The following RNF144B variants were observed in gnomAD, a reference collection of about 807,000 sequenced individuals.
RNF144B encodes E3 ubiquitin-protein ligase RNF144B.
Under a neutral mutation model 40.2 loss-of-function variants are expected in RNF144B, and 25 were observed. That is an observed-to-expected ratio of 0.62 (90% CI 0.45 to 0.87). The LOEUF (loss-of-function observed/expected upper bound fraction) is 0.87, where lower values mean the gene tolerates loss of function less well. Ranked by LOEUF, RNF144B falls within the 40% of genes least tolerant of loss-of-function variation. The pLI, the probability that RNF144B is intolerant of heterozygous loss-of-function variation, is 0.00. For missense variants in RNF144B, 365 were observed against 373.7 expected (o/e 0.98, Z 0.19); for synonymous variants, 145 against 136.3 (o/e 1.06, Z -0.44).
At position 18,446,547 on chromosome 6, in the gene RNF144B, T is replaced by C. The variant is rs1301464124; in HGVS notation, c.331+6803T>C. Among the ~76,000 whole-genome samples the C allele has an allele frequency of 1.3e-5, 2 of 152,332 alleles. No individual in the cohort carries two copies. Among genetic ancestry groups the C allele is most frequent in the East Asian group, 3.9e-4 (2 of 5,188 alleles). ...CTGAACAAAATAGAACTTGGCTACA[T>C]ATGCTACCATTATCTTTTTTACTAT... On this transcript the variant is annotated intron_variant, in intron 4 of 7. Transcript: ENST00000259939. This position sits in a 1 kb window ranked among gnomAD's most constrained non-coding sequence, Gnocchi z 4.7.
In RNF144B at chr6:18,413,991, G is replaced by A. The variant is rs967815704; in HGVS notation, c.166-13590G>A. Among the ~76,000 whole-genome samples the A allele has an allele frequency of 2.6e-5, 4 of 152,162 alleles. No homozygotes were observed. The East Asian group carries it at 5.8e-4, about 22-fold the overall frequency. ...ATGAAAAAAGCCCACTCAATATGAA[G>A]CCCCTTGACTTCTAAAAACTTGCTT... is the stretch of plus-strand genomic sequence containing the variant. On this transcript the variant is annotated intron_variant, in intron 2 of 7. Transcript: ENST00000259939.
At position 18,395,768 on chromosome 6, in the gene RNF144B, A is replaced by G. The variant is rs1015873316; in HGVS notation, c.-36-3731A>G. 3.3e-5 allele frequency among the ~76,000 whole-genome samples: 5 copies of G among 152,142 alleles called. No individual in the cohort carries two copies. ...TCAAGGGGACTGGCTCTGGACACCC[A>G]CTATTGGGTGCTGGCACTTGTCTAC... On this transcript the variant is annotated intron_variant, in intron 1 of 7. Transcript: ENST00000259939. The surrounding 1 kb of genome is among the most constrained non-coding windows in gnomAD (Gnocchi z 4.5).
rs1405235360 is a variant in RNF144B, at chr6:18,447,665, G to C, written c.331+7921G>C. On this transcript the variant is annotated intron_variant, in intron 4 of 7. Transcript: ENST00000259939. The surrounding 1 kb of genome is among the most constrained non-coding windows in gnomAD (Gnocchi z 5.6). ...TTGAAAATGCCCAGATTTGGAGTCT[G>C]TTTTCAAGGTGGAACTGTCAGGATT... is the stretch of plus-strand genomic sequence containing the variant. Among the ~76,000 whole-genome samples the C allele has an allele frequency of 6.6e-6, 1 of 152,148 alleles. No homozygotes were observed. The highest frequency in any genetic ancestry group is 2.4e-5 in the African/African-American group (1 of 41,424).
In RNF144B at chr6:18,459,039, G is replaced by C. The variant is rs966996653; in HGVS notation, c.537-568G>C. ...GTGAGTTGGATATCTCTGTGTGCTG[G>C]GTGGTGGTTTTGATGGGCAGTAGCT... On this transcript the variant is annotated intron_variant, in intron 5 of 7. Coordinates refer to ENST00000259939, the MANE Select transcript of RNF144B (RefSeq NM_182757.4). The surrounding 1 kb of genome is among the most constrained non-coding windows in gnomAD (Gnocchi z 4.2). Among the ~76,000 whole-genome samples, 7 of 152,198 alleles carry C rather than the reference G, an allele frequency of 4.6e-5. No homozygotes were observed. Among genetic ancestry groups the C allele is most frequent in the African/African-American group, 1.7e-4 (7 of 41,446 alleles).
rs1300896180 is a variant in RNF144B, at chr6:18,459,128, G to A, written c.537-479G>A. 6.6e-6 allele frequency among the ~76,000 whole-genome samples: 1 copy of A among 152,172 alleles called. No individual in the cohort carries two copies. The highest frequency in any genetic ancestry group is 6.5e-5 in the Admixed American group (1 of 15,274). On this transcript the variant is annotated intron_variant, in intron 5 of 7. Coordinates refer to ENST00000259939, the MANE Select transcript of RNF144B (RefSeq NM_182757.4). This position sits in a 1 kb window ranked among gnomAD's most constrained non-coding sequence, Gnocchi z 4.2. ...TTGCTTATTTTCTGTGCCCCTTGGG[G>A]CTGTGAGCCTGTATTGGTCTATTCG...
In RNF144B at chr6:18,405,150, T is replaced by TTATTATTATTA. The variant is rs1794873768; in HGVS notation, c.165+5452_165+5453insATTATTATTAT. On this transcript the variant is annotated intron_variant, in intron 2 of 7. Transcript: ENST00000259939. This position sits in a 1 kb window ranked among gnomAD's most constrained non-coding sequence, Gnocchi z 4.5. The stretch of plus-strand genomic sequence containing the variant: ...CTTGCTTGCAAGGTTAGTTTTTTTC[T>TTATTATTATTA]TTATTATTATTATTATTATTATTAT... Among the ~76,000 whole-genome samples, 1 of 146,232 alleles carries TTATTATTATTA rather than the reference T, an allele frequency of 6.8e-6. No homozygotes were observed. Among genetic ancestry groups the TTATTATTATTA allele is most frequent in the Non-Finnish European group, 1.5e-5 (1 of 66,782 alleles).
chr6:18,449,956 A>G (rs1759173627), intron 4 of RNF144B, among the ~76,000 whole-genome samples: 1 of 152,230 alleles, frequency 6.6e-6, no homozygotes, highest in South Asian at 2.1e-4. Flanking sequence ...GAGAAAGTAG[A>G]TGGAAAAACA....
chr6:18,427,765 A>T, intron 3 of RNF144B, 80 bp downstream of exon 3: 2 of 921,590 alleles, frequency 2.2e-6, no homozygotes, highest in Non-Finnish European at 3.4e-6. Context: ...GTATTTCCCT[A>T]CCAGGGAGTC....
At chr6:18,461,569 G>A (rs1759456260) in intron 6 of RNF144B, among the ~76,000 whole-genome samples, 1 of 152,188 alleles carries the variant, frequency 6.6e-6, no homozygotes, top group Non-Finnish European at 1.5e-5. Context: ...GGATGGTGTT[G>A]CAAAGGACAT....
chr6:18,432,811 ATCT>A (rs1202333256), intron 3 of RNF144B, among the ~76,000 whole-genome samples: 1 of 152,242 alleles, frequency 6.6e-6, no homozygotes, highest in Non-Finnish European at 1.5e-5. Flanking sequence ...TCACTCACTA[ATCT>A]TCTTTCTAAG....
rs199519851 is a variant in RNF144B, at chr6:18,459,688, C to T, written c.618C>T (p.Cys206=). 1.2e-4 allele frequency: 194 copies of T among 1,614,072 alleles called. No homozygotes were observed. In the East Asian group the frequency reaches 2.5e-3, roughly 21 times the overall value. Residue 206 remains cysteine, a synonymous_variant, in exon 6 of 8, where the codon TGC becomes TGT. Transcript: ENST00000259939. The surrounding 1 kb of genome is among the most constrained non-coding windows in gnomAD (Gnocchi z 4.2). ...TTTATATCGAACGCAATGAAGGCTG[C>T]GCTCAGATGATGTGCAAAAACTGCA... ...CRVYIERNEG[C]AQMMCKNCKH... is the part of the protein sequence containing the mutation.
At chr6:18,390,808 C>T (rs570862751) in intron 1 of RNF144B, among the ~76,000 whole-genome samples, 1 of 152,294 alleles carries the variant, frequency 6.6e-6, no homozygotes, top group East Asian at 1.9e-4. Flanking sequence ...CTAGTTGACT[C>T]TTAATAAGTA....
rs920556973 is a variant in RNF144B at position 18,406,587 on chromosome 6, A to G, written c.165+6888A>G. ...CCAGGAGAACCAGTGGTGTATTTCC[A>G]GTCCAAGTCTGAAGGCTTGAGAACT... On this transcript the variant is annotated intron_variant, in intron 2 of 7. Transcript: ENST00000259939. The surrounding 1 kb of genome is among the most constrained non-coding windows in gnomAD (Gnocchi z 4.2). Among the ~76,000 whole-genome samples the G allele has an allele frequency of 2.6e-5, 4 of 151,734 alleles. No homozygotes were observed. Among genetic ancestry groups the G allele is most frequent in the African/African-American group, 7.3e-5 (3 of 41,266 alleles).
chr6:18,439,663 C>T (rs765737234), intron 3 of RNF144B, 21 bp from the exon 4 acceptor site: 1 of 1,596,756 alleles, frequency 6.3e-7, no homozygotes, highest in Non-Finnish European at 8.6e-7. Flanking sequence ...AAGTCTCAAC[C>T]TTTTATGTCT....
intron 3 of RNF144B, among the ~76,000 whole-genome samples, chr6:18,437,859 G>A (rs1453441776): frequency 2.6e-5 from 4 of 152,028 alleles, no homozygotes; most frequent in Non-Finnish European, 5.9e-5. Context: ...TCCATAAACT[G>A]TATTTGACAT....
At chr6:18,452,821 G>T (rs1052979805) in intron 4 of RNF144B, among the ~76,000 whole-genome samples, 2 of 151,928 alleles carry the variant, frequency 1.3e-5, no homozygotes, top group Non-Finnish European at 2.9e-5. Context: ...GTTTCTCTCT[G>T]TTACCTAGGC....
At chr6:18,396,823 G>C in intron 1 of RNF144B, 1 of 985,284 alleles carries the variant, frequency 1.0e-6, no homozygotes, top group Non-Finnish European at 1.2e-6. Flanking sequence ...GAAGGAAAAG[G>C]TAAAGTCATT....
chr6:18,408,902 T>A (rs142960441), intron 2 of RNF144B, among the ~76,000 whole-genome samples: 1 of 151,976 alleles, frequency 6.6e-6, no homozygotes, highest in African/African-American at 2.4e-5. Context: ...TTATTTTTCT[T>A]CTGGTAATGC....
chr6:18,396,618 G>C (rs1037158531), intron 1 of RNF144B: 2 of 985,122 alleles, frequency 2.0e-6, no homozygotes, highest in Non-Finnish European at 2.4e-6. Flanking sequence ...TACTACCTAC[G>C]TTTCTTCTTG....
Sources: gnomAD v4.1 joint callset for allele counts (sites outside exome capture counted in the v4.1 genomes callset) on GRCh38, gnomAD v4.1.1 for gene constraint, Gnocchi (gnomAD v3.1) non-coding constraint, MANE v1.5 for transcripts, NCBI Gene and HGNC (gene_info 2026-07-23, HGNC 2026-07-21) for gene names.